AKAP11: variants seen among roughly 807,000 people sequenced by gnomAD.
The protein encoded by AKAP11 is A-kinase anchoring protein 11, also known as A-kinase anchor protein 11.
In AKAP11, 36 loss-of-function variants were observed where a neutral mutation model predicts 146.1. The observed-to-expected ratio is 0.25, with a 90% CI of 0.19 to 0.33. The LOEUF (loss-of-function observed/expected upper bound fraction) is 0.33, where lower values mean the gene tolerates loss of function less well. Among genes scored for constraint, AKAP11 ranks in the 10% least tolerant of loss-of-function variants. The pLI, the probability that AKAP11 is intolerant of heterozygous loss-of-function variation, is 1.00. For missense variants in AKAP11, 2,201 were observed against 2,197.0 expected (o/e 1.00, Z -0.04); for synonymous variants, 780 against 786.5 (o/e 0.99, Z 0.14).
chr13:42,305,618 A>G (rs1960215194), intron 8 of AKAP11, among the ~76,000 whole-genome samples: 2 of 152,174 alleles, frequency 1.3e-5, no homozygotes, highest in Admixed American at 1.3e-4. Context: ...TTTTATTGGG[A>G]CACCACCATG....
intron 9 of AKAP11, among the ~76,000 whole-genome samples, chr13:42,311,926 A>T (rs1960585593): frequency 6.6e-6 from 1 of 152,180 alleles, no homozygotes; most frequent in African/African-American, 2.4e-5. Context: ...ATGATTTGTG[A>T]CAGTTTGATC....
chr13:42,308,598 T>C lies in AKAP11; in HGVS notation c.5262T>C (p.His1754=), dbSNP rs751645542. 1 of 1,612,144 alleles carries C rather than the reference T, an allele frequency of 6.2e-7. No homozygotes were observed. The highest frequency in any genetic ancestry group is 8.5e-7 in the Non-Finnish European group (1 of 1,178,800). The change falls in exon 9 of 13, where the codon CAT becomes CAC. Residue 1754 remains histidine (H), a synonymous_variant. Coordinates refer to ENST00000025301, the MANE Select transcript of AKAP11 (RefSeq NM_016248.4). ...EHQDESSSFH[H]LSESNGNSSS... ...AAGATGAAAGCAGCAGTTTTCATCA[T>C]CTAAGTGAAAGGTAACTACACTTTT...
intron 3 of AKAP11, 81 bp from the exon 4 acceptor site, chr13:42,292,304 A>T (rs952655710): frequency 1.3e-6 from 1 of 761,516 alleles, no homozygotes; most frequent in Non-Finnish European, 2.1e-6. Flanking sequence ...ATGAGTGACT[A>T]TCTAAAACAT....
chr13:42,286,756 A>G (rs1029994731), intron 3 of AKAP11, among the ~76,000 whole-genome samples: 4 of 152,208 alleles, frequency 2.6e-5, no homozygotes, highest in African/African-American at 9.6e-5. Flanking sequence ...AAGCCAGACC[A>G]TATGTTAGAT....
intron 12 of AKAP11, 127 bp from the exon 13 acceptor site, chr13:42,318,961 T>A: frequency 8.6e-7 from 1 of 1,159,114 alleles, no homozygotes; most frequent in South Asian, 1.5e-5. Context: ...GACCTTGTTA[T>A]AACTAGGAAA....
rs1041718570 is a variant in AKAP11, at chr13:42,300,232, T to C, written c.1486T>C (p.Ser496Pro). Residue 496 changes from serine to proline, a missense_variant, in exon 8 of 13, where the codon TCA (serine) becomes CCA (proline). This residue lies in a region of AKAP11 where 1,867 missense variants were observed against 1,833.5 expected (regional missense o/e 1.02). Transcript: ENST00000025301. ...YTYEDYAKSI[S>P]CEVLGSVLRT... Reference sequence around the variant, plus strand: ...CTATGAAGACTATGCAAAAAGCATTTCATGTGAAGTACTAGGCTCAGTTCT... The same window carrying C: ...CTATGAAGACTATGCAAAAAGCATTCCATGTGAAGTACTAGGCTCAGTTCT... 1.9e-6 allele frequency: 3 copies of C among 1,613,974 alleles called. No homozygotes were observed. The highest frequency in any genetic ancestry group is 2.5e-6 in the Non-Finnish European group (3 of 1,179,894).
At chr13:42,306,656 G>C (rs1403263259) in intron 8 of AKAP11, among the ~76,000 whole-genome samples, 2 of 152,172 alleles carry the variant, frequency 1.3e-5, no homozygotes, top group East Asian at 1.9e-4. Context: ...TATTTCTAAA[G>C]TTAAATTTGT....
intron 9 of AKAP11, among the ~76,000 whole-genome samples, chr13:42,309,188 T>G (rs1319991835): frequency 6.6e-6 from 1 of 152,242 alleles, no homozygotes; most frequent in Non-Finnish European, 1.5e-5. Context: ...TTAGTTAACT[T>G]TGTTCATAAC....
intron 1 of AKAP11, among the ~76,000 whole-genome samples, chr13:42,280,744 G>A (rs945395776): frequency 1.3e-5 from 2 of 152,192 alleles, no homozygotes; most frequent in Admixed American, 6.5e-5. Flanking sequence ...GGAGAGATAT[G>A]AGCCAAGCCT....
intron 11 of AKAP11, among the ~76,000 whole-genome samples, chr13:42,314,430 G>A (rs1245647553): frequency 7.8e-6 from 1 of 127,438 alleles, no homozygotes; most frequent in Non-Finnish European, 1.6e-5. Flanking sequence ...GGGTAACAGA[G>A]CCAGAGACTC....
intron 4 of AKAP11, among the ~76,000 whole-genome samples, chr13:42,293,579 A>C (rs1959321182): frequency 6.6e-6 from 1 of 152,182 alleles, no homozygotes; most frequent in Admixed American, 6.5e-5. Context: ...TTGTTTCCAA[A>C]TAAACAGTGG....
intron 9 of AKAP11, among the ~76,000 whole-genome samples, chr13:42,310,650 G>A (rs914053219): frequency 3.3e-5 from 5 of 152,110 alleles, no homozygotes; most frequent in Non-Finnish European, 5.9e-5. Context: ...CTTGAGGTCA[G>A]GAGTTCAAGA....
In AKAP11 at chr13:42,308,555, G is replaced by A; in HGVS notation, c.5219G>A (p.Ser1740Asn). ...DDSTGSWSNL[S>N]FEDEHQDESS... ...AGCACTGGTAGCTGGTCCAATTTAAGTTTTGAAGATGAACACCAAGATGAA... is the reference window on the plus strand; with the variant it reads ...AGCACTGGTAGCTGGTCCAATTTAAATTTTGAAGATGAACACCAAGATGAA... Residue 1740 changes from serine (S) to asparagine (N), a missense_variant, in exon 9 of 13, where the codon AGT becomes AAT. Physicochemically the swap from Ser to Asn is conservative, Grantham distance 46 (BLOSUM62 1). Around this residue, in one of 3 missense-constraint regions of AKAP11, gnomAD observed 1,867 missense variants for 1,833.5 expected, o/e 1.02. Coordinates refer to ENST00000025301, the MANE Select transcript of AKAP11 (RefSeq NM_016248.4). The A allele has an allele frequency of 6.2e-7, 1 of 1,613,254 alleles. No homozygotes were observed. The highest frequency in any genetic ancestry group is 1.1e-5 in the South Asian group (1 of 90,960).
intron 7 of AKAP11, 62 bp downstream of exon 7, chr13:42,298,859 T>G: frequency 1.0e-5 from 15 of 1,494,170 alleles, no homozygotes; most frequent in Non-Finnish European, 1.3e-5. Flanking sequence ...TTTTGAAAAT[T>G]TTAAGGCAGG....
chr13:42,275,390 G>T (rs1432244100), intron 1 of AKAP11, among the ~76,000 whole-genome samples: 1 of 152,236 alleles, frequency 6.6e-6, no homozygotes, highest in African/African-American at 2.4e-5. Context: ...AATTGGTCAG[G>T]TTTCTGCTTC....
chr13:42,271,647 G>A (rs866675692), upstream of AKAP11, among the ~76,000 whole-genome samples: 2 of 152,336 alleles, frequency 1.3e-5, 1 homozygote, highest in South Asian at 4.1e-4. Context: ...CGAGGGAAAA[G>A]AGGCAGAGCC....
intron 1 of AKAP11, among the ~76,000 whole-genome samples, chr13:42,276,026 C>T (rs1426202507): frequency 6.6e-6 from 1 of 152,152 alleles, no homozygotes; most frequent in East Asian, 1.9e-4. Flanking sequence ...ACCTCACCTA[C>T]CTTTCTGACT....
At position 42,319,343 on chromosome 13, in the gene AKAP11, G is replaced by A; in HGVS notation, c.*115G>A. 3 of 1,358,032 alleles carry A rather than the reference G, an allele frequency of 2.2e-6. No homozygotes were observed. Among genetic ancestry groups the A allele is most frequent in the Non-Finnish European group, 3.0e-6 (3 of 1,016,086 alleles). 84.1% of individuals were successfully genotyped at this position (1,358,032 alleles called of 1,614,324 possible). A position where few individuals can be genotyped will look rare whatever the true frequency, so the allele number is the denominator to read the frequency against. ...ATTAACATCGTAAGTCAGTTGGGAG[G>A]CAAGTAAATATAGCTTTCTGAGCGC... On this transcript the variant is annotated 3_prime_UTR_variant, in exon 13 of 13. Transcript: ENST00000025301.
Position 42,286,331 on chromosome 13 carries a change from A to G in AKAP11, c.-18A>G, listed in dbSNP as rs1959165942. On this transcript the variant is annotated 5_prime_UTR_variant, in exon 3 of 13. It adds an upstream start codon to the 5' untranslated region. Coordinates refer to ENST00000025301, the MANE Select transcript of AKAP11 (RefSeq NM_016248.4). Reference sequence around the variant, plus strand: ...TGTGGATTAACTCTTCATTGATTATATACAACAAAAAATAGTTATGGCGAC... The same window carrying G: ...TGTGGATTAACTCTTCATTGATTATGTACAACAAAAAATAGTTATGGCGAC... 2 of 1,579,858 alleles carry G rather than the reference A, an allele frequency of 1.3e-6. No homozygotes were observed. Among genetic ancestry groups the G allele is most frequent in the Non-Finnish European group, 1.7e-6 (2 of 1,160,068 alleles).
Sources: gnomAD v4.1 joint callset for allele counts (sites outside exome capture counted in the v4.1 genomes callset) on GRCh38, gnomAD v4.1.1 for gene constraint, gnomAD v4.1.1 regional missense constraint, MANE v1.5 for transcripts, NCBI Gene and HGNC (gene_info 2026-07-23, HGNC 2026-07-21) for gene names.